The following IMMP2L variants were observed in gnomAD, a reference collection of about 807,000 sequenced individuals.
The protein encoded by IMMP2L is mitochondrial inner membrane protease subunit 2.
Under a neutral mutation model 19.3 loss-of-function variants are expected in IMMP2L, and 18 were observed. The ratio of observed to expected loss-of-function variants is 0.93; its 90% CI spans 0.64 to 1.38. IMMP2L has a LOEUF of 1.38. Ranked by LOEUF, IMMP2L falls within the 40% of genes most tolerant of loss-of-function variation. IMMP2L has a pLI of 0.00. For synonymous variants in IMMP2L, 76 were observed against 73.0 expected, an observed-to-expected ratio of 1.04 and a Z score of -0.21; for missense variants, 233 against 218.2, an observed-to-expected ratio of 1.07 and a Z score of -0.43.
In IMMP2L at chr7:110,953,715, T is replaced by C. The variant is rs118099538; in HGVS notation, c.305+9785A>G. 3.9e-3 allele frequency among the ~76,000 whole-genome samples: 597 copies of C among 152,254 alleles called. 2 individuals are homozygous for C. Among genetic ancestry groups the C allele is most frequent in the Non-Finnish European group, 6.0e-3 (407 of 68,034 alleles). On this transcript the variant is annotated intron_variant, in intron 4 of 5. Transcript: ENST00000405709. Reference sequence around the variant, plus strand: ...GGGATTGCGGGTCAAATAGTATTTCTGGTTCTAGATCCTTCAGGAATCGCC... The same window carrying C: ...GGGATTGCGGGTCAAATAGTATTTCCGGTTCTAGATCCTTCAGGAATCGCC...
Position 111,368,435 on chromosome 7 carries a change from C to T in IMMP2L, c.239+118803G>A, listed in dbSNP as rs1771656095. Among the ~76,000 whole-genome samples the T allele has an allele frequency of 2.0e-5, 3 of 152,072 alleles. No individual in the cohort carries two copies. The South Asian group carries it at 6.2e-4, about 32-fold the overall frequency. Reference sequence around the variant, plus strand: ...GTCAGTCAGACACATTCTCTCAAGACTTAGTGTATTAAGCAGAATCAATGC... The same window carrying T: ...GTCAGTCAGACACATTCTCTCAAGATTTAGTGTATTAAGCAGAATCAATGC... On this transcript the variant is annotated intron_variant, in intron 3 of 5. Coordinates refer to ENST00000405709, the MANE Select transcript of IMMP2L (RefSeq NM_032549.4).
At chr7:110,789,789 A>G (rs945753489) in intron 5 of IMMP2L, among the ~76,000 whole-genome samples, 9 of 151,258 alleles carry the variant, frequency 6.0e-5, no homozygotes, top group Non-Finnish European at 1.2e-4. Flanking sequence ...TTCCCTAAAA[A>G]CACCTGGCAC....
chr7:111,428,859 CCATAAGT>C (rs752522525), intron 3 of IMMP2L, among the ~76,000 whole-genome samples: 4 of 151,898 alleles, frequency 2.6e-5, no homozygotes, highest in Admixed American at 2.6e-4. Flanking sequence ...CTTTCATTTT[CCATAAGT>C]ACTTACAAAG....
chr7:110,857,100 C>T (rs1198045551), intron 5 of IMMP2L, among the ~76,000 whole-genome samples: 1 of 152,026 alleles, frequency 6.6e-6, no homozygotes, highest in Non-Finnish European at 1.5e-5. Flanking sequence ...TTTGGGATAG[C>T]TATTTGTGTG....
chr7:111,196,862 A>T (rs1332367075), intron 3 of IMMP2L, among the ~76,000 whole-genome samples: 1 of 152,172 alleles, frequency 6.6e-6, no homozygotes, highest in Non-Finnish European at 1.5e-5. Flanking sequence ...AATATATCTT[A>T]GGCACGACTC....
chr7:111,301,752 T>G (rs1384348789), intron 3 of IMMP2L, among the ~76,000 whole-genome samples: 2 of 152,082 alleles, frequency 1.3e-5, no homozygotes, highest in East Asian at 3.9e-4. Context: ...TTGTCAAAAA[T>G]TAAGTTGGCC....
At chr7:111,243,485 G>C (rs1815426316) in intron 3 of IMMP2L, among the ~76,000 whole-genome samples, 1 of 148,776 alleles carries the variant, frequency 6.7e-6, no homozygotes, top group Non-Finnish European at 1.5e-5. Context: ...TAGAAGTAAA[G>C]TGTTCAACTC....
Position 110,703,303 on chromosome 7 carries a change from CT to C in IMMP2L, c.409-39583del, listed in dbSNP as rs938719308. The stretch of plus-strand genomic sequence containing the variant: ...CCCCATTTGGTAACAACATATTATC[CT>C]TTTTTTTAATGTATTGTTGGAATCA... On this transcript the variant is annotated intron_variant, in intron 5 of 5. Transcript: ENST00000405709. Among the ~76,000 whole-genome samples, 12 of 151,754 alleles carry C rather than the reference CT, an allele frequency of 7.9e-5. No homozygotes were observed. In the East Asian group the frequency reaches 1.2e-3, roughly 15 times the overall value.
intron 3 of IMMP2L, among the ~76,000 whole-genome samples, chr7:111,227,424 T>C (rs779229340): frequency 7.2e-5 from 11 of 152,176 alleles, no homozygotes; most frequent in Non-Finnish European, 1.3e-4. Context: ...GATATCTCCC[T>C]GTTTTCTTTT....
intron 3 of IMMP2L, among the ~76,000 whole-genome samples, chr7:111,235,946 T>C (rs992742958): frequency 6.6e-6 from 1 of 152,102 alleles, no homozygotes; most frequent in Admixed American, 6.6e-5. Flanking sequence ...TCTTTCTTTG[T>C]AGACTAAACT....
At chr7:111,545,175 G>A (rs1407143793) in intron 1 of IMMP2L, among the ~76,000 whole-genome samples, 2 of 152,086 alleles carry the variant, frequency 1.3e-5, no homozygotes, top group East Asian at 3.9e-4. Flanking sequence ...AGAACAGGTT[G>A]GTCAGCTCTG....
At chr7:111,188,903 G>A (rs774504082) in intron 3 of IMMP2L, among the ~76,000 whole-genome samples, 2 of 152,020 alleles carry the variant, frequency 1.3e-5, no homozygotes, top group Admixed American at 6.6e-5. Flanking sequence ...ATCTTTTTAA[G>A]CCAAGGGAAT....
At chr7:110,936,763 C>T (rs547576711) in intron 4 of IMMP2L, among the ~76,000 whole-genome samples, 11 of 152,262 alleles carry the variant, frequency 7.2e-5, no homozygotes, top group Middle Eastern at 6.8e-3. Flanking sequence ...ATGTTTATTA[C>T]AGCACTGTTA....
chr7:110,822,479 G>T (rs1803121745), intron 5 of IMMP2L, among the ~76,000 whole-genome samples: 2 of 152,042 alleles, frequency 1.3e-5, no homozygotes. Context: ...TGGAATTCCT[G>T]TTTGCTGTAA....
intron 3 of IMMP2L, among the ~76,000 whole-genome samples, chr7:111,422,754 G>A (rs924329714): frequency 6.6e-5 from 10 of 151,798 alleles, no homozygotes; most frequent in East Asian, 1.9e-4. Flanking sequence ...CCAACACTAC[G>A]TTGAATAGGA....
chr7:110,838,218 A>G (rs1804699313), intron 5 of IMMP2L, among the ~76,000 whole-genome samples: 1 of 152,116 alleles, frequency 6.6e-6, no homozygotes, highest in Non-Finnish European at 1.5e-5. Context: ...ATAAATACAC[A>G]TTTATCTATA....
At chr7:111,252,079 A>G (rs1271140108) in intron 3 of IMMP2L, among the ~76,000 whole-genome samples, 1 of 152,046 alleles carries the variant, frequency 6.6e-6, no homozygotes, top group Non-Finnish European at 1.5e-5. Context: ...AAAAGAAAGC[A>G]TTTCTCTGAA....
intron 3 of IMMP2L, among the ~76,000 whole-genome samples, chr7:111,085,587 T>C (rs928873133): frequency 2.0e-5 from 3 of 152,244 alleles, no homozygotes; most frequent in Non-Finnish European, 4.4e-5. Flanking sequence ...CCAGTGATGC[T>C]GAGCTATTTT....
At chr7:111,474,755 A>C (rs59312485) in intron 3 of IMMP2L, among the ~76,000 whole-genome samples, 3,536 of 152,146 alleles carry the variant, frequency 0.023, 140 homozygotes, top group African/African-American at 0.08. Context: ...TTGCAACTCA[A>C]TTAACACAGT....
Sources: allele counts gnomAD v4.1 joint callset (sites outside exome capture counted in the v4.1 genomes callset), GRCh38; gene constraint gnomAD v4.1.1; transcripts MANE v1.5; gene names NCBI Gene and HGNC (gene_info 2026-07-23, HGNC 2026-07-21).